C8orf89: variants seen among roughly 807,000 people sequenced by gnomAD.
C8orf89 encodes putative uncharacterized protein C8orf89.
In C8orf89, 14 loss-of-function variants were observed where a neutral mutation model predicts 15.8. The ratio of observed to expected loss-of-function variants is 0.89; its 90% confidence interval spans 0.59 to 1.39. The LOEUF (loss-of-function observed/expected upper bound fraction) is 1.39, where lower values mean the gene tolerates loss of function less well. C8orf89 is among the 40% of genes most tolerant of loss of function. C8orf89 has a pLI of 0.00. For synonymous variants in C8orf89, 55 were observed against 62.2 expected, an observed-to-expected ratio of 0.88 and a Z score of 0.54; for missense variants, 181 against 184.5, an observed-to-expected ratio of 0.98 and a Z score of 0.11.
At chr8:73,282,146 A>T in the C8orf89 span, among the ~76,000 whole-genome samples, 1 of 152,236 alleles carries the variant, frequency 6.6e-6, no homozygotes. Flanking sequence ...AACTCACTTA[A>T]ATATATTCAT....
At chr8:73,278,400 T>C in the C8orf89 span, among the ~76,000 whole-genome samples, 1 of 152,166 alleles carries the variant, frequency 6.6e-6, no homozygotes, top group Non-Finnish European at 1.5e-5. Context: ...TATTTTCTTT[T>C]TAAAAACCAC....
At chr8:73,276,317 C>T in the C8orf89 span, among the ~76,000 whole-genome samples, 420 of 151,946 alleles carry the variant, frequency 2.8e-3, 3 homozygotes, top group Middle Eastern at 0.01. Flanking sequence ...GCTGGGATCA[C>T]AGGCGCATGC....
At chr8:73,278,021 A>G in the C8orf89 span, 2 of 550,240 alleles carry the variant, frequency 3.6e-6, no homozygotes, top group Admixed American at 2.5e-5. Flanking sequence ...CATGGTGAGG[A>G]AACTTGGGTT....
chr8:73,265,024 C>A, the C8orf89 span, among the ~76,000 whole-genome samples: 1 of 151,836 alleles, frequency 6.6e-6, no homozygotes, highest in Non-Finnish European at 1.5e-5. Context: ...ACATGCTAGT[C>A]AGAATTGTGA....
chr8:73,265,570 G>A, the C8orf89 span, among the ~76,000 whole-genome samples: 1 of 152,202 alleles, frequency 6.6e-6, no homozygotes, highest in African/African-American at 2.4e-5. Flanking sequence ...TCGTTGCTGG[G>A]CAATGACACA....
At chr8:73,275,035 C>T in the C8orf89 span, among the ~76,000 whole-genome samples, 6 of 152,128 alleles carry the variant, frequency 3.9e-5, no homozygotes, top group Non-Finnish European at 8.8e-5. Context: ...TCCTAATACA[C>T]ATGTGTGTTT....
At chr8:73,241,665 C>A in intron 3 of C8orf89, 60 bp from the exon 4 acceptor site, 2 of 1,263,296 alleles carry the variant, frequency 1.6e-6, no homozygotes, top group Non-Finnish European at 2.1e-6. Flanking sequence ...GAATAATATT[C>A]TATTAAATAT....
the C8orf89 span, among the ~76,000 whole-genome samples, chr8:73,272,398 G>A: frequency 1.3e-5 from 2 of 151,804 alleles, no homozygotes; most frequent in Non-Finnish European, 1.5e-5. Flanking sequence ...AATACTCACT[G>A]TACCAAGCAC....
At chr8:73,254,444 C>T (rs556103483) in intron 2 of C8orf89, among the ~76,000 whole-genome samples, 1 of 152,216 alleles carries the variant, frequency 6.6e-6, no homozygotes, top group South Asian at 2.1e-4. Context: ...GATGCTGGCC[C>T]AAACTGAAAA....
At chr8:73,263,002 G>A (rs1488097846), upstream of C8orf89, among the ~76,000 whole-genome samples, 1 of 151,832 alleles carries the variant, frequency 6.6e-6, no homozygotes, top group African/African-American at 2.4e-5. Flanking sequence ...CTAATAAAAA[G>A]GCTATTTAAA....
chr8:73,252,444 T>G (rs951825263), intron 2 of C8orf89, among the ~76,000 whole-genome samples: 10 of 152,128 alleles, frequency 6.6e-5, no homozygotes, highest in Non-Finnish European at 2.9e-5. Flanking sequence ...TGAAAAAGAA[T>G]TTTTTCTTTC....
the C8orf89 span, among the ~76,000 whole-genome samples, chr8:73,269,295 G>A: frequency 0.057 from 8,611 of 152,186 alleles, 294 homozygotes; most frequent in East Asian, 0.16. Context: ...AAGTGATTAC[G>A]AGTATAAAAT....
chr8:73,260,385 C>T (rs765899340), upstream of C8orf89, among the ~76,000 whole-genome samples: 10 of 145,740 alleles, frequency 6.9e-5, no homozygotes, highest in East Asian at 2.1e-4. Context: ...TGGGGCCTGT[C>T]GTGGGGTGGG....
chr8:73,252,480 A>G (rs1429894219), intron 2 of C8orf89, among the ~76,000 whole-genome samples: 1 of 152,186 alleles, frequency 6.6e-6, no homozygotes, highest in East Asian at 1.9e-4. Flanking sequence ...ATATCCAAAC[A>G]ATAAAAATGG....
upstream of C8orf89, among the ~76,000 whole-genome samples, chr8:73,262,516 AT>A (rs1418496670): frequency 6.6e-6 from 1 of 152,070 alleles, no homozygotes; most frequent in South Asian, 2.1e-4. Context: ...ATAAAAAAAA[AT>A]TTTTTTAAGT....
At chr8:73,260,518 T>C (rs1374386499), upstream of C8orf89, among the ~76,000 whole-genome samples, 3 of 152,130 alleles carry the variant, frequency 2.0e-5, no homozygotes, top group Admixed American at 6.6e-5. Flanking sequence ...ACATGTACCC[T>C]AGAACTTAAA....
chr8:73,282,797 G>T, the C8orf89 span, among the ~76,000 whole-genome samples: 4 of 152,208 alleles, frequency 2.6e-5, no homozygotes, highest in African/African-American at 9.7e-5. Context: ...GAGAATGCAA[G>T]ATTGATTATT....
the C8orf89 span, among the ~76,000 whole-genome samples, chr8:73,274,318 AT>A: frequency 1.3e-5 from 2 of 151,932 alleles, no homozygotes; most frequent in Non-Finnish European, 2.9e-5. Context: ...CGCCTGGCTA[AT>A]TTTTTGTATT....
At chr8:73,280,626 G>A in the C8orf89 span, among the ~76,000 whole-genome samples, 98 of 151,918 alleles carry the variant, frequency 6.5e-4, no homozygotes, top group Middle Eastern at 0.038. Context: ...CACCCACCTC[G>A]TCCTCCTAAA....
Sources: allele counts gnomAD v4.1 joint callset (sites outside exome capture counted in the v4.1 genomes callset), GRCh38; gene constraint gnomAD v4.1.1; transcripts MANE v1.5; gene names NCBI Gene and HGNC (gene_info 2026-07-23, HGNC 2026-07-21).